The following ENTPD7 variants were observed in gnomAD, a reference collection of about 807,000 sequenced individuals.
The protein encoded by ENTPD7 is ectonucleoside triphosphate diphosphohydrolase 7, also known as NTPDase 7.
A neutral mutation model predicts 77.9 loss-of-function variants in ENTPD7; 53 were observed. That is an observed-to-expected ratio of 0.68 (90% CI 0.55 to 0.85). ENTPD7 has a LOEUF of 0.85. ENTPD7 is among the 40% of genes least tolerant of loss of function. ENTPD7 has a pLI of 0.00. For synonymous variants in ENTPD7, 248 were observed against 274.9 expected (o/e 0.90, Z 0.97); for missense variants, 636 against 743.7 (o/e 0.86, Z 1.68).
Position 99,708,851 on chromosome 10 carries a change from A to G in ENTPD7, c.*4168A>G, listed in dbSNP as rs1432778951. 26 of 985,310 alleles carry G rather than the reference A, an allele frequency of 2.6e-5. No individual in the cohort carries two copies. Among genetic ancestry groups the G allele is most frequent in the Non-Finnish European group, 3.0e-5 (25 of 829,928 alleles). The allele number at this position is 985,310 out of a possible 1,614,324, so 61.0% of individuals were successfully genotyped here. A position where few individuals can be genotyped will look rare whatever the true frequency, so the allele number is the denominator to read the frequency against. ...CAACTACTTTGTCAGCTACAATGAA[A>G]TGCTCATTAACAGAATCTTTCTGCA... On this transcript the variant is annotated 3_prime_UTR_variant, in exon 13 of 13. Coordinates refer to ENST00000370489, the MANE Select transcript of ENTPD7 (RefSeq NM_020354.5).
rs1401147127 is a variant in ENTPD7, at chr10:99,705,563, T to C, written c.*880T>C. 1 of 152,200 alleles carries C rather than the reference T, an allele frequency of 6.6e-6. No homozygotes were observed. The highest frequency in any genetic ancestry group is 2.4e-5 in the African/African-American group (1 of 41,452). The allele number at this position is 152,200 out of a possible 1,614,324, so 9.4% of individuals were successfully genotyped here. A position where few individuals can be genotyped will look rare whatever the true frequency, so the allele number is the denominator to read the frequency against. On this transcript the variant is annotated 3_prime_UTR_variant, in exon 13 of 13. Coordinates refer to ENST00000370489, the MANE Select transcript of ENTPD7 (RefSeq NM_020354.5). ...TTGTGAGCCCTTACACAGGAAGATATAAAGAGAGTTCTTTCATTTCACTGC... is the reference window on the plus strand; with the variant it reads ...TTGTGAGCCCTTACACAGGAAGATACAAAGAGAGTTCTTTCATTTCACTGC...
chr10:99,679,548 CT>C, intron 4 of ENTPD7, 82 bp downstream of exon 4: 3 of 1,483,396 alleles, frequency 2.0e-6, no homozygotes, highest in Non-Finnish European at 2.7e-6. Flanking sequence ...CAAGCTACCC[CT>C]TTCTTCTTGA....
intron 2 of ENTPD7, among the ~76,000 whole-genome samples, chr10:99,661,174 C>T (rs971196720): frequency 2.0e-5 from 3 of 151,994 alleles, no homozygotes; most frequent in African/African-American, 7.3e-5. Context: ...ATGAGGTTGC[C>T]CAGGGAGACT....
intron 5 of ENTPD7, among the ~76,000 whole-genome samples, 158 bp from the exon 6 acceptor site, chr10:99,685,631 TTTA>T (rs2035802003): frequency 6.6e-6 from 1 of 152,066 alleles, no homozygotes; most frequent in African/African-American, 2.4e-5. Context: ...AGTTTAAACT[TTTA>T]AAATCAAAGG....
intron 3 of ENTPD7, among the ~76,000 whole-genome samples, chr10:99,671,284 T>A (rs2035616717): frequency 2.0e-5 from 3 of 152,150 alleles, no homozygotes; most frequent in Non-Finnish European, 4.4e-5. Context: ...TTGAAATTTT[T>A]AAAAACTTTT....
At position 99,698,747 on chromosome 10, in the gene ENTPD7, T is replaced by A. The variant is rs776719484; in HGVS notation, c.1224T>A (p.Ile408=). ...ASLNGIYQSP[I]DFNNSEFYGF... ...TCAATGGCATATATCAATCGCCTAT[T>A]GACTTCAACAACAGCGAGTTCTACG... The change falls in exon 10 of 13, where the codon ATT becomes ATA. Residue 408 remains isoleucine, a synonymous_variant. Transcript: ENST00000370489. 2.1e-5 allele frequency: 34 copies of A among 1,614,124 alleles called. No homozygotes were observed. The South Asian group carries it at 2.6e-4, about 13-fold the overall frequency.
At position 99,704,719 on chromosome 10, in the gene ENTPD7, G is replaced by C; in HGVS notation, c.*36G>C. The C allele has an allele frequency of 6.4e-7, 1 of 1,566,696 alleles. No homozygotes were observed. The highest frequency in any genetic ancestry group is 8.7e-7 in the Non-Finnish European group (1 of 1,148,064). ...GGACTAGAGAAGCTTGAGCACCCCCGAGTTGCTGCTCATTGAATTCCTCCA... is the reference window on the plus strand; with the variant it reads ...GGACTAGAGAAGCTTGAGCACCCCCCAGTTGCTGCTCATTGAATTCCTCCA... On this transcript the variant is annotated 3_prime_UTR_variant, in exon 13 of 13. Transcript: ENST00000370489.
chr10:99,709,090 T>C lies in ENTPD7; in HGVS notation c.*4407T>C. 8 of 981,926 alleles carry C rather than the reference T, an allele frequency of 8.1e-6. No individual in the cohort carries two copies. The highest frequency in any genetic ancestry group is 9.7e-6 in the Non-Finnish European group (8 of 826,728). 60.8% of individuals were successfully genotyped at this position (981,926 alleles called of 1,614,324 possible). A position where few individuals can be genotyped will look rare whatever the true frequency, so the allele number is the denominator to read the frequency against. ...GTACTTTTAAATTTTATACATCTTTTTAAAACAATTTTATACAATTTCCTT... is the reference window on the plus strand; with the variant it reads ...GTACTTTTAAATTTTATACATCTTTCTAAAACAATTTTATACAATTTCCTT... On this transcript the variant is annotated 3_prime_UTR_variant, in exon 13 of 13. Transcript: ENST00000370489.
At chr10:99,662,239 C>T (rs1269322301) in intron 3 of ENTPD7, among the ~76,000 whole-genome samples, 1 of 152,004 alleles carries the variant, frequency 6.6e-6, no homozygotes, top group African/African-American at 2.4e-5. Flanking sequence ...CACATTTGTT[C>T]TTGTTCTTTT....
At position 99,661,568 on chromosome 10, in the gene ENTPD7, T is replaced by G; in HGVS notation, c.131T>G (p.Met44Arg). ...TTCATATCCTGTCTCCTTTTACTTA[T>G]GTTAATCATAGACTTTCGACATTGG... ...LFFISCLLLL[M>R]LIIDFRHWSA... The change falls in exon 3 of 13, where the codon ATG (methionine) becomes AGG (arginine). Residue 44 changes from methionine (M) to arginine (R), a missense_variant. Physicochemically the swap from Met to Arg is moderately conservative, Grantham distance 91. Transcript: ENST00000370489. The G allele has an allele frequency of 5.0e-6, 8 of 1,613,910 alleles. No individual in the cohort carries two copies. The highest frequency in any genetic ancestry group is 6.8e-6 in the Non-Finnish European group (8 of 1,179,940).
intron 5 of ENTPD7, among the ~76,000 whole-genome samples, chr10:99,680,473 T>G (rs944070648): frequency 2.6e-5 from 4 of 152,146 alleles, no homozygotes; most frequent in Non-Finnish European, 4.4e-5. Context: ...TGGTACCACC[T>G]TGATCCGTCC....
At chr10:99,690,537 T>C (rs1477169961) in intron 7 of ENTPD7, among the ~76,000 whole-genome samples, 1 of 149,864 alleles carries the variant, frequency 6.7e-6, no homozygotes, top group African/African-American at 2.5e-5. Context: ...TTCCACAATA[T>C]GTTTCATAAT....
chr10:99,673,340 A>G (rs191556624), intron 3 of ENTPD7, among the ~76,000 whole-genome samples: 2 of 152,314 alleles, frequency 1.3e-5, no homozygotes, highest in Admixed American at 1.3e-4. Context: ...AAGAAACTAT[A>G]TATGAAAAAA....
intron 9 of ENTPD7, among the ~76,000 whole-genome samples, chr10:99,696,810 T>G (rs2035992043): frequency 6.6e-6 from 1 of 152,210 alleles, no homozygotes; most frequent in Non-Finnish European, 1.5e-5. Context: ...TCATTAAATT[T>G]ACACAAAATT....
intron 3 of ENTPD7, among the ~76,000 whole-genome samples, chr10:99,674,129 C>T (rs1718399343): frequency 6.6e-6 from 1 of 152,028 alleles, no homozygotes; most frequent in Non-Finnish European, 1.5e-5. Flanking sequence ...AAGCCATGTC[C>T]AAGGAGACAG....
intron 3 of ENTPD7, among the ~76,000 whole-genome samples, chr10:99,677,359 C>CTTTTTTTT (rs560338561): frequency 2.1e-5 from 2 of 93,802 alleles, no homozygotes; most frequent in African/African-American, 4.3e-5. Context: ...GGGCAGATAG[C>CTTTTTTTT]TTTTTTTTTT....
chr10:99,685,185 A>G (rs1242653874), intron 5 of ENTPD7, among the ~76,000 whole-genome samples: 1 of 152,228 alleles, frequency 6.6e-6, no homozygotes, highest in East Asian at 1.9e-4. Flanking sequence ...TGAACCTGGG[A>G]GGCAGAGGTT....
chr10:99,685,680 G>A (rs768098635), intron 5 of ENTPD7, 112 bp from the exon 6 acceptor site: 6 of 696,568 alleles, frequency 8.6e-6, no homozygotes, highest in Non-Finnish European at 1.3e-5. Flanking sequence ...ACAAGTAGAT[G>A]AGGTAGGTGA....
At chr10:99,677,734 A>G (rs2035703214) in intron 3 of ENTPD7, among the ~76,000 whole-genome samples, 1 of 152,162 alleles carries the variant, frequency 6.6e-6, no homozygotes, top group South Asian at 2.1e-4. Context: ...CTTTTTCCTC[A>G]GAGTCTTCTA....
Sources: allele counts gnomAD v4.1 joint callset (sites outside exome capture counted in the v4.1 genomes callset), GRCh38; gene constraint gnomAD v4.1.1; transcripts MANE v1.5; gene names NCBI Gene and HGNC (gene_info 2026-07-23, HGNC 2026-07-21).